AHCYL2: variants seen among roughly 807,000 people sequenced by gnomAD.
The protein encoded by AHCYL2 is adenosylhomocysteinase like 2, also known as S-adenosylhomocysteine hydrolase-like protein 2.
AHCYL2 carries 28 observed loss-of-function variants against 81.4 expected under a neutral mutation model. The observed-to-expected ratio is 0.34, with a 90% CI of 0.25 to 0.47. The LOEUF (loss-of-function observed/expected upper bound fraction) is 0.47, where lower values mean the gene tolerates loss of function less well. Ranked by LOEUF, AHCYL2 falls within the 20% of genes least tolerant of loss-of-function variation. AHCYL2 has a pLI of 1.00. For synonymous variants in AHCYL2, 272 were observed against 290.2 expected, an observed-to-expected ratio of 0.94 and a Z score of 0.64; for missense variants, 551 against 785.1, an observed-to-expected ratio of 0.70 and a Z score of 3.56.
At chr7:129,379,917 T>A (rs1478261626) in intron 2 of AHCYL2, among the ~76,000 whole-genome samples, 168 bp downstream of exon 2, 1 of 152,182 alleles carries the variant, frequency 6.6e-6, no homozygotes, top group African/African-American at 2.4e-5. Context: ...TGGATTTCTC[T>A]TGGCAATTCA....
At chr7:129,416,672 C>T (rs1034988353) in intron 12 of AHCYL2, among the ~76,000 whole-genome samples, 3 of 151,906 alleles carry the variant, frequency 2.0e-5, no homozygotes, top group Non-Finnish European at 4.4e-5. Flanking sequence ...TGGTGGTGGG[C>T]GCCTGTAATC....
In AHCYL2 at chr7:129,415,166, T is replaced by C. The variant is rs1184834003; in HGVS notation, c.1461+1478T>C. Among the ~76,000 whole-genome samples the C allele has an allele frequency of 7.2e-5, 11 of 152,330 alleles. No homozygotes were observed. The East Asian group carries it at 2.1e-3, about 29-fold the overall frequency. On this transcript the variant is annotated intron_variant, in intron 12 of 16. Coordinates refer to ENST00000325006, the MANE Select transcript of AHCYL2 (RefSeq NM_015328.4). ...TTCATTTATGTGCTATACTGCCTCTTTGCTGAATGATCAAGGATATTAGTA... is the reference window on the plus strand; with the variant it reads ...TTCATTTATGTGCTATACTGCCTCTCTGCTGAATGATCAAGGATATTAGTA...
In AHCYL2 at chr7:129,357,174, T is replaced by C. The variant is rs76536375; in HGVS notation, c.364-22464T>C. ...TACCAAGGAGGACAACCAAAAGCGA[T>C]GTGGGATCCTGGATGGGATACTGGA... On this transcript the variant is annotated intron_variant, in intron 1 of 16. Coordinates refer to ENST00000325006, the MANE Select transcript of AHCYL2 (RefSeq NM_015328.4). Among the ~76,000 whole-genome samples the C allele has an allele frequency of 7.2e-4, 110 of 152,300 alleles. 1 individual carries two copies. The East Asian group carries it at 0.021, about 29-fold the overall frequency.
chr7:129,242,047 TATAG>T (rs1794877942), intron 1 of AHCYL2, among the ~76,000 whole-genome samples: 1 of 152,174 alleles, frequency 6.6e-6, no homozygotes, highest in African/African-American at 2.4e-5. Flanking sequence ...GCAGATAATA[TATAG>T]CATTGTTTTG....
intron 4 of AHCYL2, among the ~76,000 whole-genome samples, chr7:129,390,359 A>T (rs568517028): frequency 9.2e-5 from 14 of 152,366 alleles, no homozygotes; most frequent in Middle Eastern, 3.4e-3. Flanking sequence ...TATAAGGGAC[A>T]TGAGCATCCT....
intron 1 of AHCYL2, among the ~76,000 whole-genome samples, chr7:129,286,619 C>G (rs1796638890): frequency 6.6e-6 from 1 of 152,050 alleles, no homozygotes; most frequent in Non-Finnish European, 1.5e-5. Context: ...TGCCAGTGTG[C>G]CTGGCTAATT....
chr7:129,348,472 A>C (rs528375620), intron 1 of AHCYL2, among the ~76,000 whole-genome samples: 2 of 151,994 alleles, frequency 1.3e-5, no homozygotes, highest in South Asian at 4.2e-4. Context: ...ATTTCTCTCT[A>C]GAGAGGATAT....
At chr7:129,317,089 TTC>T (rs1268680012) in intron 1 of AHCYL2, among the ~76,000 whole-genome samples, 1 of 152,240 alleles carries the variant, frequency 6.6e-6, no homozygotes, top group Non-Finnish European at 1.5e-5. Context: ...TTAGAGACAG[TTC>T]TGTTTCCTGA....
chr7:129,310,610 A>G (rs1294386746), intron 1 of AHCYL2, among the ~76,000 whole-genome samples: 1 of 152,210 alleles, frequency 6.6e-6, no homozygotes, highest in African/African-American at 2.4e-5. Flanking sequence ...ATTGAAAATA[A>G]TTCACTGAAT....
At chr7:129,393,001 C>T (rs1215030086) in intron 4 of AHCYL2, among the ~76,000 whole-genome samples, 1 of 152,230 alleles carries the variant, frequency 6.6e-6, no homozygotes, top group Non-Finnish European at 1.5e-5. Context: ...GTGATATATC[C>T]TATCAGGTGA....
intron 1 of AHCYL2, among the ~76,000 whole-genome samples, chr7:129,335,976 A>G (rs897060646): frequency 6.6e-6 from 1 of 152,048 alleles, no homozygotes; most frequent in Non-Finnish European, 1.5e-5. Flanking sequence ...TTTTCTCTTC[A>G]TAGAGTAGAT....
At chr7:129,336,064 TTCTTTCC>T (rs60937533) in intron 1 of AHCYL2, among the ~76,000 whole-genome samples, 6,123 of 126,688 alleles carry the variant, frequency 0.048, 491 homozygotes, top group African/African-American at 0.17. Context: ...CTCTTCTCTT[TTCTTTCC>T]TTTTTTTTTT....
intron 1 of AHCYL2, among the ~76,000 whole-genome samples, chr7:129,228,416 C>T (rs1327111263): frequency 2.6e-5 from 4 of 152,202 alleles, no homozygotes; most frequent in Non-Finnish European, 4.4e-5. Context: ...ATCTTTGGCA[C>T]CTGCCTCCGT....
At chr7:129,378,650 T>G (rs1711609264) in intron 1 of AHCYL2, among the ~76,000 whole-genome samples, 1 of 152,232 alleles carries the variant, frequency 6.6e-6, no homozygotes. Flanking sequence ...ATGAAAAGGC[T>G]TTTTAAAAAT....
chr7:129,384,663 C>T (rs893824265), intron 2 of AHCYL2, among the ~76,000 whole-genome samples: 3 of 152,192 alleles, frequency 2.0e-5, no homozygotes, highest in Admixed American at 1.3e-4. Context: ...TCCTAAGGCT[C>T]CTAGTACTAA....
chr7:129,397,414 C>T (rs1795797080), intron 5 of AHCYL2, 90 bp downstream of exon 5: 2 of 1,264,234 alleles, frequency 1.6e-6, no homozygotes, highest in Non-Finnish European at 2.2e-6. Flanking sequence ...AGAAGGTTGA[C>T]AATAAAAGAA....
At chr7:129,278,634 C>A (rs1796307598) in intron 1 of AHCYL2, among the ~76,000 whole-genome samples, 2 of 151,998 alleles carry the variant, frequency 1.3e-5, no homozygotes, top group Non-Finnish European at 2.9e-5. Flanking sequence ...AATCTTTGTC[C>A]AACCCAAGAT....
chr7:129,245,464 A>G (rs959429530), intron 1 of AHCYL2, among the ~76,000 whole-genome samples: 3 of 152,168 alleles, frequency 2.0e-5, no homozygotes, highest in Admixed American at 6.5e-5. Context: ...AAGTTTTTTC[A>G]TCTTCCCAAA....
intron 4 of AHCYL2, among the ~76,000 whole-genome samples, chr7:129,390,826 A>G (rs1336392952): frequency 6.6e-6 from 1 of 152,192 alleles, no homozygotes; most frequent in Non-Finnish European, 1.5e-5. Flanking sequence ...GGGGCGTGGA[A>G]TTACCATGAT....
Sources: allele counts gnomAD v4.1 joint callset (sites outside exome capture counted in the v4.1 genomes callset), GRCh38; gene constraint gnomAD v4.1.1; transcripts MANE v1.5; gene names NCBI Gene and HGNC (gene_info 2026-07-23, HGNC 2026-07-21).